TASP1: variants seen among roughly 807,000 people sequenced by gnomAD.
TASP1 encodes threonine aspartase 1.
TASP1 carries 16 observed loss-of-function variants against 56.6 expected under a neutral mutation model. The observed-to-expected ratio is 0.28, with a 90% CI of 0.19 to 0.43. The LOEUF (loss-of-function observed/expected upper bound fraction) is 0.43, where lower values mean the gene tolerates loss of function less well. Among genes scored for constraint, TASP1 ranks in the 20% least tolerant of loss-of-function variants. The pLI, the probability that TASP1 is intolerant of heterozygous loss-of-function variation, is 1.00. For missense variants in TASP1, 393 were observed against 511.6 expected (o/e 0.77, Z 2.24); for synonymous variants, 179 against 184.2 (o/e 0.97, Z 0.23).
At chr20:13,513,727 C>A (rs2044424090) in intron 10 of TASP1, among the ~76,000 whole-genome samples, 1 of 152,104 alleles carries the variant, frequency 6.6e-6, no homozygotes, top group African/African-American at 2.4e-5. Context: ...TGGCTGAAAA[C>A]TGTCTATGAA....
chr20:13,549,940 G>A (rs75851379), intron 8 of TASP1, among the ~76,000 whole-genome samples: 3,422 of 151,980 alleles, frequency 0.023, 102 homozygotes, highest in African/African-American at 0.065. Context: ...GGTTACTTCC[G>A]TTACAAAACA....
chr20:13,483,308 G>A lies in TASP1; in HGVS notation c.904C>T (p.Leu302=), dbSNP rs765348836. Residue 302 remains leucine, a synonymous_variant, in exon 11 of 14, where the codon CTG becomes TTG. Coordinates refer to ENST00000337743, the MANE Select transcript of TASP1 (RefSeq NM_017714.3). ...AAAGCATGTGAACATTCTCTAGCCA[G>A]TATGGTGCGCACAAGATGCTCTCCA... is the stretch of plus-strand genomic sequence containing the variant. ...GCGEHLVRTI[L]ARECSHALQA... 21 of 1,597,276 alleles carry A rather than the reference G, an allele frequency of 1.3e-5. No homozygotes were observed. Among genetic ancestry groups the A allele is most frequent in the Non-Finnish European group, 1.7e-6 (2 of 1,170,998 alleles).
At chr20:13,613,920 G>A (rs560836261) in intron 4 of TASP1, among the ~76,000 whole-genome samples, 33 of 152,114 alleles carry the variant, frequency 2.2e-4, no homozygotes, top group Middle Eastern at 3.4e-3. Flanking sequence ...AAGTTCCTAA[G>A]GAAACAAAAA....
At chr20:13,280,595 A>G in the TASP1 span, among the ~76,000 whole-genome samples, 1 of 152,054 alleles carries the variant, frequency 6.6e-6, no homozygotes, top group Non-Finnish European at 1.5e-5. Flanking sequence ...AGTTCCACCA[A>G]CTGTTAGGGC....
At chr20:13,292,297 TA>T in the TASP1 span, 1 of 876,850 alleles carries the variant, frequency 1.1e-6, no homozygotes, top group Non-Finnish European at 1.8e-6. Context: ...CAGGTGTATT[TA>T]TTTTTTTATT....
At chr20:13,143,211 T>A in the TASP1 span, among the ~76,000 whole-genome samples, 4 of 152,286 alleles carry the variant, frequency 2.6e-5, no homozygotes, top group Admixed American at 1.3e-4. Context: ...TGGCTGTAGG[T>A]GCCGCAGGTC....
intron 10 of TASP1, among the ~76,000 whole-genome samples, chr20:13,485,646 A>C (rs550847953): frequency 6.6e-6 from 1 of 152,224 alleles, no homozygotes; most frequent in Non-Finnish European, 1.5e-5. Context: ...TTCCCTATTC[A>C]GTAAATTTTT....
intron 10 of TASP1, among the ~76,000 whole-genome samples, chr20:13,492,100 C>G (rs1250789172): frequency 6.6e-6 from 1 of 152,158 alleles, no homozygotes. Context: ...TCCTAGGCAG[C>G]CTCCTACAAA....
intron 6 of TASP1, among the ~76,000 whole-genome samples, chr20:13,580,546 T>C (rs1409858830): frequency 3.9e-5 from 6 of 152,240 alleles, no homozygotes; most frequent in South Asian, 2.1e-4. Context: ...ACACTGGTAA[T>C]TGGAGCTGTA....
At chr20:13,312,760 G>A in the TASP1 span, among the ~76,000 whole-genome samples, 2 of 152,158 alleles carry the variant, frequency 1.3e-5, no homozygotes, top group Admixed American at 1.3e-4. Flanking sequence ...ATCACACTTA[G>A]TCATCTTTAC....
chr20:13,439,917 GTTCAAA>G (rs2043156641), intron 11 of TASP1, among the ~76,000 whole-genome samples: 1 of 152,030 alleles, frequency 6.6e-6, no homozygotes, highest in African/African-American at 2.4e-5. Context: ...GAAGATGAGT[GTTCAAA>G]CTGAAAAGGT....
the TASP1 span, among the ~76,000 whole-genome samples, chr20:13,310,450 A>G: frequency 3.9e-5 from 6 of 151,944 alleles, no homozygotes; most frequent in Non-Finnish European, 7.4e-5. Flanking sequence ...ACTTAAATAT[A>G]AGACCTAAAA....
At chr20:13,169,574 G>T in the TASP1 span, among the ~76,000 whole-genome samples, 1 of 152,198 alleles carries the variant, frequency 6.6e-6, no homozygotes, top group Admixed American at 6.5e-5. Context: ...ATCAGTAGAG[G>T]TGTGGGGCCA....
the TASP1 span, among the ~76,000 whole-genome samples, chr20:13,176,942 A>T: frequency 0.15 from 22,703 of 152,166 alleles, 1,720 homozygotes; most frequent in East Asian, 0.21. Flanking sequence ...CTACAAAACA[A>T]TGATGAGAGA....
the TASP1 span, among the ~76,000 whole-genome samples, chr20:13,114,405 A>G: frequency 6.6e-6 from 1 of 152,268 alleles, no homozygotes; most frequent in African/African-American, 2.4e-5. Context: ...ATTCAAAAAT[A>G]TCCTTGAGGT....
chr20:13,328,802 T>G, the TASP1 span, among the ~76,000 whole-genome samples: 6 of 64,624 alleles, frequency 9.3e-5, no homozygotes, highest in Non-Finnish European at 1.4e-4. Context: ...CTGGGACCTG[T>G]AGGAGGGTGG....
chr20:13,555,332 C>T (rs1165789127), intron 8 of TASP1, among the ~76,000 whole-genome samples: 2 of 135,352 alleles, frequency 1.5e-5, no homozygotes, highest in South Asian at 2.3e-4. Flanking sequence ...TGCAGTGAGC[C>T]AAGATCGTGC....
the TASP1 span, among the ~76,000 whole-genome samples, chr20:13,259,155 C>T: frequency 5.3e-5 from 8 of 151,962 alleles, no homozygotes; most frequent in African/African-American, 9.7e-5. Flanking sequence ...TGGTGGTATG[C>T]GCCTGTAGTC....
chr20:13,214,533 AC>A, the TASP1 span, among the ~76,000 whole-genome samples: 3 of 89,228 alleles, frequency 3.4e-5, no homozygotes, highest in African/African-American at 1.6e-4. Flanking sequence ...ACACACACAC[AC>A]ACACACACAC....
Sources: allele counts gnomAD v4.1 joint callset (sites outside exome capture counted in the v4.1 genomes callset), GRCh38; gene constraint gnomAD v4.1.1; transcripts MANE v1.5; gene names NCBI Gene and HGNC (gene_info 2026-07-23, HGNC 2026-07-21).